NXN: variants seen among roughly 807,000 people sequenced by gnomAD.
The protein encoded by NXN is nucleoredoxin 1.
A neutral mutation model predicts 48.6 loss-of-function variants in NXN; 16 were observed. The ratio of observed to expected loss-of-function variants is 0.33; its 90% CI spans 0.22 to 0.50. The LOEUF (loss-of-function observed/expected upper bound fraction) is 0.50. NXN is among the 20% of genes least tolerant of loss of function. The pLI is 0.98. For synonymous variants in NXN, 281 were observed against 269.6 expected (o/e 1.04, Z -0.41); for missense variants, 492 against 605.5 (o/e 0.81, Z 1.97).
intron 1 of NXN, among the ~76,000 whole-genome samples, chr17:871,207 G>A (rs750962600): frequency 8.6e-5 from 13 of 151,780 alleles, no homozygotes; most frequent in Admixed American, 1.3e-4. Context: ...TCATTCTGGA[G>A]CCACATTGGC....
intron 1 of NXN, among the ~76,000 whole-genome samples, chr17:929,270 T>C (rs1412337276): frequency 6.6e-6 from 1 of 152,226 alleles, no homozygotes; most frequent in Non-Finnish European, 1.5e-5. Flanking sequence ...GCCACTCGCT[T>C]CACCTGCCTG....
chr17:885,201 C>T (rs552135150), intron 1 of NXN, among the ~76,000 whole-genome samples: 2 of 152,306 alleles, frequency 1.3e-5, no homozygotes, highest in East Asian at 1.9e-4. Flanking sequence ...CAGTGGCTCA[C>T]GCCTGTAATC....
intron 1 of NXN, among the ~76,000 whole-genome samples, chr17:889,034 C>G (rs368929187): frequency 6.6e-6 from 1 of 150,844 alleles, no homozygotes; most frequent in Non-Finnish European, 1.5e-5. Context: ...AGAACCAGAA[C>G]GCTGGGGGTT....
intron 1 of NXN, among the ~76,000 whole-genome samples, chr17:876,572 G>C (rs2068218288): frequency 6.6e-6 from 1 of 152,208 alleles, no homozygotes; most frequent in South Asian, 2.1e-4. Flanking sequence ...TATGTACTCT[G>C]AGATTCTCTC....
rs1308905608 is a variant in NXN at position 799,827 on chromosome 17, A to G, written c.*1122T>C. ...ATCTTTGTAGTTCTGCTTTGAAAAG[A>G]AAAGGGGGCCGGGCACGGCGGCTCA... is the stretch of plus-strand genomic sequence containing the variant. On this transcript the variant is annotated 3_prime_UTR_variant, in exon 8 of 8. Transcript: ENST00000336868. The G allele has an allele frequency of 6.6e-6, 1 of 152,392 alleles. No homozygotes were observed. The highest frequency in any genetic ancestry group is 1.5e-5 in the Non-Finnish European group (1 of 68,176). 9.4% of individuals were successfully genotyped at this position (152,392 alleles called of 1,614,324 possible). A position where few individuals can be genotyped will look rare whatever the true frequency, so the allele number is the denominator to read the frequency against.
intron 1 of NXN, among the ~76,000 whole-genome samples, chr17:947,732 CAAAAAAA>C (rs1159185042): frequency 2.7e-5 from 1 of 36,670 alleles, no homozygotes; most frequent in African/African-American, 8.8e-5. Flanking sequence ...GGCTCCCTCT[CAAAAAAA>C]AAAAAAAAAA....
intron 1 of NXN, among the ~76,000 whole-genome samples, chr17:945,945 T>C (rs2069038463): frequency 6.6e-6 from 1 of 151,956 alleles, no homozygotes; most frequent in Admixed American, 6.6e-5. Context: ...GGAATGTCCT[T>C]GGGGTCCTGG....
Position 979,335 on chromosome 17 carries a change from T to G in NXN, c.344A>C (p.Lys115Thr). The G allele has an allele frequency of 6.6e-7, 1 of 1,513,784 alleles. No homozygotes were observed. The highest frequency in any genetic ancestry group is 1.6e-5 in the African/African-American group (1 of 62,714). The allele number at this position is 1,513,784 out of a possible 1,614,324, so 93.8% of individuals were successfully genotyped here. The change falls in exon 1 of 8, where the codon AAG becomes ACG. Residue 115 changes from lysine to threonine, a missense_variant. Coordinates refer to ENST00000336868, the MANE Select transcript of NXN (RefSeq NM_022463.5). ...GCCGCTCACCTTCCTGTGCTTCTCC[T>G]TGTAGGGCAGCGCCAGCCACGGCAT... is the stretch of plus-strand genomic sequence containing the variant. ...RDMPWLALPY[K>T]EKHRKLKLWN...
intron 1 of NXN, among the ~76,000 whole-genome samples, chr17:928,750 C>A (rs141240626): frequency 1.3e-5 from 2 of 152,088 alleles, no homozygotes; most frequent in South Asian, 4.1e-4. Flanking sequence ...GAGGGAGAAT[C>A]GCTTGAACCC....
intron 5 of NXN, among the ~76,000 whole-genome samples, chr17:812,128 C>A (rs1227463680): frequency 6.7e-6 from 1 of 150,360 alleles, no homozygotes; most frequent in Non-Finnish European, 1.5e-5. Context: ...GGGGTTTCAC[C>A]GTGTTAGCCA....
At chr17:971,585 C>G (rs2069379072) in intron 1 of NXN, among the ~76,000 whole-genome samples, 1 of 151,798 alleles carries the variant, frequency 6.6e-6, no homozygotes, top group African/African-American at 2.4e-5. Context: ...GGGCGGGCAC[C>G]TGTGGTCCCA....
At position 917,043 on chromosome 17, in the gene NXN, T is replaced by G. The variant is rs528630891; in HGVS notation, c.360+62276A>C. 6.6e-6 allele frequency among the ~76,000 whole-genome samples: 1 copy of G among 152,374 alleles called. No individual in the cohort carries two copies. Among genetic ancestry groups the G allele is most frequent in the South Asian group, 2.1e-4 (1 of 4,832 alleles). On this transcript the variant is annotated intron_variant, in intron 1 of 7. Transcript: ENST00000336868. The surrounding 1 kb of genome is among the most constrained non-coding windows in gnomAD (Gnocchi z 4.5). ...TAATCACATTATCAGACATTCCCTG[T>G]GTGTCCTGTTCTGTTATACATGCTG...
At chr17:927,922 T>A (rs1179370724) in intron 1 of NXN, among the ~76,000 whole-genome samples, 6 of 152,070 alleles carry the variant, frequency 3.9e-5, no homozygotes, top group Non-Finnish European at 7.3e-5. Flanking sequence ...CAACCCCAGC[T>A]GCTTGTGTTA....
intron 1 of NXN, among the ~76,000 whole-genome samples, chr17:934,224 T>C (rs2068883095): frequency 6.6e-6 from 1 of 151,866 alleles, no homozygotes; most frequent in Non-Finnish European, 1.5e-5. Flanking sequence ...GGCAGGCGGA[T>C]CACGAGGTCA....
At chr17:845,108 G>A (rs1185767373) in intron 1 of NXN, among the ~76,000 whole-genome samples, 1 of 152,198 alleles carries the variant, frequency 6.6e-6, no homozygotes, top group Non-Finnish European at 1.5e-5. Flanking sequence ...CTGCTACAGT[G>A]AGAAGCTCCA....
chr17:809,190 T>C (rs374726051), intron 5 of NXN, among the ~76,000 whole-genome samples: 6 of 152,054 alleles, frequency 3.9e-5, no homozygotes, highest in East Asian at 1.9e-4. Flanking sequence ...GTTGGCGTGC[T>C]TTTGCTTCCA....
Position 806,786 on chromosome 17 carries a change from C to T in NXN, c.821-1539G>A, listed in dbSNP as rs75645349. On this transcript the variant is annotated intron_variant, in intron 5 of 7. Transcript: ENST00000336868. ...CTGCTGCGGCCACCAGCACCGCGGG[C>T]GTGCCTGCCTTCGAAAGGAATCAAC... 6.5e-3 allele frequency among the ~76,000 whole-genome samples: 988 copies of T among 152,306 alleles called. 12 individuals are homozygous for T. Among genetic ancestry groups the T allele is most frequent in the African/African-American group, 0.022 (932 of 41,562 alleles).
chr17:845,401 G>A (rs59054248), intron 1 of NXN, among the ~76,000 whole-genome samples: 5,399 of 150,866 alleles, frequency 0.036, 327 homozygotes, highest in African/African-American at 0.12. Context: ...CTCAACATCC[G>A]AGAGAGAATT....
intron 1 of NXN, among the ~76,000 whole-genome samples, chr17:906,501 T>G (rs969961144): frequency 6.6e-6 from 1 of 151,986 alleles, no homozygotes; most frequent in African/African-American, 2.4e-5. Flanking sequence ...CACAACTTCC[T>G]CACAAGGCTG....
Sources: gnomAD v4.1 joint callset for allele counts (sites outside exome capture counted in the v4.1 genomes callset) on GRCh38, gnomAD v4.1.1 for gene constraint, Gnocchi (gnomAD v3.1) non-coding constraint, MANE v1.5 for transcripts, NCBI Gene and HGNC (gene_info 2026-07-23, HGNC 2026-07-21) for gene names.